The following CEP170 variants were observed in gnomAD, a reference collection of about 807,000 sequenced individuals.
CEP170 encodes centrosomal protein 170.
Under a neutral mutation model 151.9 loss-of-function variants are expected in CEP170, and 21 were observed. The observed-to-expected ratio is 0.14, with a 90% CI of 0.10 to 0.20. The LOEUF is 0.20. CEP170 is among the 10% of genes least tolerant of loss of function. The pLI, the probability that CEP170 is intolerant of heterozygous loss-of-function variation, is 1.00. For missense variants in CEP170, 964 were observed against 1,892.9 expected, an observed-to-expected ratio of 0.51 and a Z score of 9.11; for synonymous variants, 356 against 648.8, an observed-to-expected ratio of 0.55 and a Z score of 6.86.
intron 1 of CEP170, among the ~76,000 whole-genome samples, chr1:243,241,870 A>G (rs1455883201): frequency 2.0e-5 from 3 of 151,928 alleles, no homozygotes; most frequent in African/African-American, 7.3e-5. Context: ...GTGACAATAC[A>G]GGAGGGTAGG....
intron 4 of CEP170, among the ~76,000 whole-genome samples, chr1:243,202,310 C>T (rs768638286): frequency 3.9e-5 from 6 of 151,960 alleles, no homozygotes; most frequent in Non-Finnish European, 8.8e-5. Context: ...GTGGGGAAGC[C>T]GGAAGGCGGG....
chr1:243,253,831 C>G lies in CEP170; in HGVS notation c.-42+1209G>C, dbSNP rs530746840. ...AAGGATTAAATCATTTTAAAATATG[C>G]ATTTTCAATCAAATGTATCATCTGC... On this transcript the variant is annotated intron_variant, in intron 1 of 19. Transcript: ENST00000366542. Among the ~76,000 whole-genome samples the G allele has an allele frequency of 9.7e-4, 148 of 152,318 alleles. 1 individual carries two copies. Among genetic ancestry groups the G allele is most frequent in the Middle Eastern group, 3.4e-3 (1 of 294 alleles).
chr1:243,170,987 C>T (rs530325874), intron 11 of CEP170, among the ~76,000 whole-genome samples: 102 of 152,244 alleles, frequency 6.7e-4, no homozygotes, highest in South Asian at 4.4e-3. Flanking sequence ...CTGACACACG[C>T]GTATGTAAAA....
At chr1:243,160,599 G>C (rs1164734700) in intron 13 of CEP170, among the ~76,000 whole-genome samples, 1 of 152,058 alleles carries the variant, frequency 6.6e-6, no homozygotes, top group Non-Finnish European at 1.5e-5. Context: ...TACAACTATA[G>C]ATTTTGCAAA....
At chr1:243,147,790 G>A (rs533743306) in intron 14 of CEP170, among the ~76,000 whole-genome samples, 6 of 152,248 alleles carry the variant, frequency 3.9e-5, no homozygotes, top group Admixed American at 2.0e-4. Flanking sequence ...GAACTTCTAC[G>A]TAAAAATTTT....
chr1:243,205,877 G>A (rs1269500760), intron 4 of CEP170, among the ~76,000 whole-genome samples: 2 of 149,994 alleles, frequency 1.3e-5, no homozygotes, highest in African/African-American at 2.5e-5. Context: ...AAAGCCACAG[G>A]ATTTTAGAAG....
chr1:243,199,262 C>T (rs1464878468), intron 6 of CEP170, 68 bp from the exon 7 acceptor site: 3 of 1,500,030 alleles, frequency 2.0e-6, no homozygotes, highest in African/African-American at 2.8e-5. Flanking sequence ...TCGCAGAATG[C>T]TAGAACTGCC....
intron 1 of CEP170, among the ~76,000 whole-genome samples, chr1:243,253,486 C>T (rs2066141408): frequency 6.6e-6 from 1 of 152,204 alleles, no homozygotes. Flanking sequence ...CTTCCTCTGT[C>T]AAGTGCACTT....
chr1:243,197,357 G>C (rs917508238), intron 7 of CEP170, among the ~76,000 whole-genome samples: 1 of 149,864 alleles, frequency 6.7e-6, no homozygotes, highest in African/African-American at 2.4e-5. Context: ...TCCTGACATA[G>C]ATCATGTGGC....
At chr1:243,174,735 T>A (rs934066225) in intron 10 of CEP170, among the ~76,000 whole-genome samples, 8 of 152,238 alleles carry the variant, frequency 5.3e-5, no homozygotes, top group African/African-American at 1.9e-4. Context: ...AAGCACAATG[T>A]ACAGAAGGGA....
chr1:243,217,213 G>T (rs2062379206), intron 3 of CEP170, among the ~76,000 whole-genome samples: 1 of 152,124 alleles, frequency 6.6e-6, no homozygotes, highest in Non-Finnish European at 1.5e-5. Flanking sequence ...TGGGATGCAT[G>T]ACTCTAATTA....
chr1:243,235,957 C>T (rs1046090118), intron 1 of CEP170, among the ~76,000 whole-genome samples: 6 of 152,172 alleles, frequency 3.9e-5, no homozygotes, highest in Non-Finnish European at 8.8e-5. Context: ...TTATGAAACA[C>T]GTAAAGTCTG....
chr1:243,247,077 G>GC (rs2065474527), intron 1 of CEP170, among the ~76,000 whole-genome samples: 1 of 152,066 alleles, frequency 6.6e-6, no homozygotes, highest in Non-Finnish European at 1.5e-5. Flanking sequence ...CTAGCTGGCT[G>GC]CCTAGAGTTC....
At chr1:243,140,915 T>C (rs1487552316) in intron 15 of CEP170, among the ~76,000 whole-genome samples, 1 of 152,216 alleles carries the variant, frequency 6.6e-6, no homozygotes, top group Non-Finnish European at 1.5e-5. Context: ...ACCAGAAGAA[T>C]TGTGTATGTC....
chr1:243,187,522 C>T (rs1165220513), intron 8 of CEP170, among the ~76,000 whole-genome samples: 3 of 152,120 alleles, frequency 2.0e-5, no homozygotes, highest in East Asian at 1.9e-4. Flanking sequence ...ATTTAGTCAA[C>T]GAGGTACATT....
chr1:243,139,074 A>C (rs1396110790), intron 16 of CEP170, among the ~76,000 whole-genome samples: 1 of 150,358 alleles, frequency 6.7e-6, no homozygotes, highest in African/African-American at 2.4e-5. Context: ...ACTTCTCTTC[A>C]TGTTTTGTAG....
At chr1:243,218,920 C>T (rs963451359) in intron 3 of CEP170, among the ~76,000 whole-genome samples, 1 of 152,174 alleles carries the variant, frequency 6.6e-6, no homozygotes, top group East Asian at 1.9e-4. Context: ...ATAACCACTA[C>T]ACTGTGTCCT....
intron 4 of CEP170, among the ~76,000 whole-genome samples, chr1:243,206,062 AAT>A (rs1258601501): frequency 2.0e-5 from 3 of 152,224 alleles, no homozygotes; most frequent in Non-Finnish European, 1.5e-5. Context: ...ATAATGTGAG[AAT>A]ACAGTGGAGC....
At chr1:243,127,575 T>C (rs1034032586) in intron 19 of CEP170, among the ~76,000 whole-genome samples, 6 of 152,144 alleles carry the variant, frequency 3.9e-5, no homozygotes, top group Admixed American at 2.0e-4. Context: ...CTTAGGTGTG[T>C]TGGGGCTAAA....
Sources: gnomAD v4.1 joint callset for allele counts (sites outside exome capture counted in the v4.1 genomes callset) on GRCh38, gnomAD v4.1.1 for gene constraint, MANE v1.5 for transcripts, NCBI Gene and HGNC (gene_info 2026-07-23, HGNC 2026-07-21) for gene names.